HDGFL2: variants seen among roughly 807,000 people sequenced by gnomAD.
HDGFL2 encodes the protein HDGF like 2, also known as hepatoma-derived growth factor-related protein 2.
Under a neutral mutation model 77.1 loss-of-function variants are expected in HDGFL2, and 36 were observed. The ratio of observed to expected loss-of-function variants is 0.47; its 90% confidence interval spans 0.36 to 0.62. The LOEUF (loss-of-function observed/expected upper bound fraction) is 0.62. Ranked by LOEUF, HDGFL2 falls within the 20% of genes least tolerant of loss-of-function variation. The pLI is 0.00. For synonymous variants in HDGFL2, 463 were observed against 413.1 expected (o/e 1.12, Z -1.46); for missense variants, 976 against 973.4 (o/e 1.00, Z -0.04).
intron 1 of HDGFL2, among the ~76,000 whole-genome samples, chr19:4,474,081 G>T (rs569264885): frequency 2.8e-4 from 42 of 152,032 alleles, no homozygotes; most frequent in Non-Finnish European, 5.7e-4. Flanking sequence ...ACAGGCCAGC[G>T]GGAAGCAGGG....
rs565911314 is a variant in HDGFL2 at position 4,493,789 on chromosome 19, C to G, written c.765C>G (p.Ser255=). Residue 255 remains serine, a synonymous_variant, in exon 7 of 16, where the codon TCC becomes TCG. Coordinates refer to ENST00000616600, the MANE Select transcript of HDGFL2 (RefSeq NM_001001520.3). ...PEPVAMARSA[S]SSSSSSSSSD... The stretch of plus-strand genomic sequence containing the variant: ...CGGTGGCCATGGCGCGGTCGGCGTC[C>G]TCCTCCTCCTCTTCCTCCTCCTCCT... 23 of 1,531,010 alleles carry G rather than the reference C, an allele frequency of 1.5e-5. No homozygotes were observed. The highest frequency in any genetic ancestry group is 2.5e-5 in the East Asian group (1 of 39,980). 94.8% of individuals were successfully genotyped at this position (1,531,010 alleles called of 1,614,324 possible).
chr19:4,497,436 A>ATC (rs1975734966), intron 10 of HDGFL2: 1 of 271,936 alleles, frequency 3.7e-6, no homozygotes, highest in African/African-American at 2.3e-5. Flanking sequence ...TAAACTCATG[A>ATC]TCCCCCCGCC....
chr19:4,497,188 G>A (rs779689216), intron 10 of HDGFL2: 8 of 427,492 alleles, frequency 1.9e-5, no homozygotes, highest in South Asian at 1.1e-4. Flanking sequence ...CCACGTTTTT[G>A]TTTTTGTTTT....
At position 4,502,190 on chromosome 19, in the gene HDGFL2, G is replaced by A. The variant is rs759593065; in HGVS notation, c.*180G>A. On this transcript the variant is annotated 3_prime_UTR_variant, in exon 16 of 16. Coordinates refer to ENST00000616600, the MANE Select transcript of HDGFL2 (RefSeq NM_001001520.3). ...CAACCAACATGAAATGACTATAAAT[G>A]GTTTTTTAATGAAAAAAGAAATCAC... 1.3e-5 allele frequency: 9 copies of A among 672,802 alleles called. No homozygotes were observed. The highest frequency in any genetic ancestry group is 2.7e-5 in the East Asian group (1 of 36,848). The allele number at this position is 672,802 out of a possible 1,614,324, so 41.7% of individuals were successfully genotyped here.
At chr19:4,493,099 G>GGTA in intron 6 of HDGFL2, among the ~76,000 whole-genome samples, 1 of 119,722 alleles carries the variant, frequency 8.4e-6, no homozygotes, top group Admixed American at 8.7e-5. Context: ...TCTGTGTGGT[G>GGTA]TGTGGTGTGT....
intron 3 of HDGFL2, among the ~76,000 whole-genome samples, chr19:4,486,815 T>A (rs1049329695): frequency 6.6e-6 from 1 of 152,188 alleles, no homozygotes; most frequent in African/African-American, 2.4e-5. Context: ...CAGCTTCTTC[T>A]GGTTCCCAAG....
chr19:4,495,460 C>T (rs1190622003), intron 9 of HDGFL2, among the ~76,000 whole-genome samples: 2 of 147,884 alleles, frequency 1.4e-5, no homozygotes, highest in Non-Finnish European at 3.0e-5. Flanking sequence ...GGAGGGGATA[C>T]ATTCTAGGCA....
chr19:4,488,954 T>A (rs989742800), intron 4 of HDGFL2, 78 bp downstream of exon 4: 12 of 126,632 alleles, frequency 9.5e-5, no homozygotes, highest in Non-Finnish European at 1.2e-4. Context: ...CTCCTGCCCT[T>A]TTTTTTTTTT....
intron 4 of HDGFL2, among the ~76,000 whole-genome samples, chr19:4,490,435 A>G: frequency 6.6e-6 from 1 of 152,152 alleles, no homozygotes; most frequent in East Asian, 1.9e-4. Flanking sequence ...TGGAGGGAAC[A>G]CGGTGTGTTG....
rs1339519469 is a variant in HDGFL2, at chr19:4,502,066, C to G, written c.*56C>G. 4 of 1,245,486 alleles carry G rather than the reference C, an allele frequency of 3.2e-6. No individual in the cohort carries two copies. The highest frequency in any genetic ancestry group is 4.0e-5 in the Admixed American group (2 of 50,076). 77.2% of individuals were successfully genotyped at this position (1,245,486 alleles called of 1,614,324 possible). A position where few individuals can be genotyped will look rare whatever the true frequency, so the allele number is the denominator to read the frequency against. Reference sequence around the variant, plus strand: ...GAGCTCAGGCTGCCCCTCTCCTTCCCCGGCTCGCAGGAGAGCAGAGCAGAG... The same window carrying G: ...GAGCTCAGGCTGCCCCTCTCCTTCCGCGGCTCGCAGGAGAGCAGAGCAGAG... On this transcript the variant is annotated 3_prime_UTR_variant, in exon 16 of 16. Coordinates refer to ENST00000616600, the MANE Select transcript of HDGFL2 (RefSeq NM_001001520.3).
intron 6 of HDGFL2, among the ~76,000 whole-genome samples, chr19:4,492,601 TGTC>T (rs1975547369): frequency 6.6e-6 from 1 of 151,294 alleles, no homozygotes; most frequent in Non-Finnish European, 1.5e-5. Flanking sequence ...GTATGTGTGT[TGTC>T]TGTGTGTTAT....
chr19:4,501,827 C>T, intron 15 of HDGFL2, 84 bp from the exon 16 acceptor site: 2 of 1,033,290 alleles, frequency 1.9e-6, no homozygotes, highest in Non-Finnish European at 1.3e-6. Context: ...GGGTACACTC[C>T]TCGGTGCCCA....
chr19:4,498,938 G>C, intron 13 of HDGFL2, 23 bp downstream of exon 13: 1 of 1,529,332 alleles, frequency 6.5e-7, no homozygotes, highest in Non-Finnish European at 9.0e-7. Flanking sequence ...AATCAGAGGC[G>C]CAGGGTGCAG....
chr19:4,487,256 G>A (rs376900757), intron 3 of HDGFL2, among the ~76,000 whole-genome samples: 3 of 148,372 alleles, frequency 2.0e-5, no homozygotes, highest in East Asian at 2.0e-4. Context: ...GTGAGCCACC[G>A]CACCCGGGTT....
At chr19:4,493,956 G>A in intron 7 of HDGFL2, 26 bp from the exon 8 acceptor site, 1 of 1,594,860 alleles carries the variant, frequency 6.3e-7, no homozygotes, top group East Asian at 2.3e-5. Context: ...GGAAGGGAAG[G>A]TCACCCCCTC....
At chr19:4,493,566 G>C (rs1975605861) in intron 6 of HDGFL2, 137 bp from the exon 7 acceptor site, 2 of 1,169,644 alleles carry the variant, frequency 1.7e-6, no homozygotes, top group Admixed American at 4.0e-5. Flanking sequence ...GGGTGGGAGG[G>C]GATTCGGAGC....
At chr19:4,496,616 G>A (rs1216623973) in intron 10 of HDGFL2, among the ~76,000 whole-genome samples, 1 of 152,166 alleles carries the variant, frequency 6.6e-6, no homozygotes, top group Non-Finnish European at 1.5e-5. Context: ...CCTCCAGGGC[G>A]ATCCCGCCTC....
At chr19:4,479,346 G>A (rs866972294) in intron 3 of HDGFL2, among the ~76,000 whole-genome samples, 31 of 152,016 alleles carry the variant, frequency 2.0e-4, no homozygotes, top group Middle Eastern at 3.4e-3. Context: ...CACTTTGGGA[G>A]GCCGAGGCGG....
In HDGFL2 at chr19:4,487,536, C is replaced by T. The variant is rs576499688; in HGVS notation, c.289-1140C>T. ...CCTCGCAAAGTGCTGGGATTACAGG[C>T]GTGAGCCACCAGCCCTACTCCCCTC... On this transcript the variant is annotated intron_variant, in intron 3 of 15. Coordinates refer to ENST00000616600, the MANE Select transcript of HDGFL2 (RefSeq NM_001001520.3). Among the ~76,000 whole-genome samples, 15 of 152,290 alleles carry T rather than the reference C, an allele frequency of 9.8e-5. No individual in the cohort carries two copies. In the South Asian group the frequency reaches 1.2e-3, roughly 13 times the overall value.
Sources: gnomAD v4.1 joint callset for allele counts (sites outside exome capture counted in the v4.1 genomes callset) on GRCh38, gnomAD v4.1.1 for gene constraint, MANE v1.5 for transcripts, NCBI Gene and HGNC (gene_info 2026-07-23, HGNC 2026-07-21) for gene names.